CTNNA3: variants seen among roughly 807,000 people sequenced by gnomAD.
The protein encoded by CTNNA3 is catenin alpha-3.
A neutral mutation model predicts 95.7 loss-of-function variants in CTNNA3; 76 were observed. That is an observed-to-expected ratio of 0.79 (90% CI 0.66 to 0.96). The LOEUF (loss-of-function observed/expected upper bound fraction) is 0.96, where lower values mean the gene tolerates loss of function less well. Ranked by LOEUF, CTNNA3 falls within the 40% of genes least tolerant of loss-of-function variation. CTNNA3 has a pLI of 0.00. For missense variants in CTNNA3, 1,191 were observed against 1,089.8 expected, an observed-to-expected ratio of 1.09 and a Z score of -1.31; for synonymous variants, 431 against 374.4, an observed-to-expected ratio of 1.15 and a Z score of -1.74.
chr10:67,276,754 G>C (rs1034132276), intron 5 of CTNNA3, among the ~76,000 whole-genome samples: 1 of 152,088 alleles, frequency 6.6e-6, no homozygotes, highest in Non-Finnish European at 1.5e-5. Flanking sequence ...ATCGTGAATT[G>C]ATAATTACTG....
chr10:66,720,688 G>T (rs2132634867), intron 9 of CTNNA3, among the ~76,000 whole-genome samples: 1 of 152,172 alleles, frequency 6.6e-6, no homozygotes, highest in Middle Eastern at 3.4e-3. Flanking sequence ...CAAAAAAATA[G>T]CTGGGCGTGA....
rs191760230 is a variant in CTNNA3 at position 66,206,449 on chromosome 10, A to T, written c.1884+74021T>A. On this transcript the variant is annotated intron_variant, in intron 13 of 17. Coordinates refer to ENST00000433211, the MANE Select transcript of CTNNA3 (RefSeq NM_013266.4). ...CACTCATGAAATAAATTTTCCAGTG[A>T]TAATATCACCCATAGATTCATACAC... 5.3e-3 allele frequency among the ~76,000 whole-genome samples: 805 copies of T among 151,952 alleles called. 7 individuals carry two copies. The highest frequency in any genetic ancestry group is 0.018 in the African/African-American group (750 of 41,498).
chr10:67,444,089 TAC>T (rs1420037109), intron 5 of CTNNA3, among the ~76,000 whole-genome samples: 1 of 152,164 alleles, frequency 6.6e-6, no homozygotes, highest in African/African-American at 2.4e-5. Flanking sequence ...GGCTGCAGAA[TAC>T]ACATTCTTTT....
chr10:67,167,385 G>A (rs1182291666), intron 7 of CTNNA3, among the ~76,000 whole-genome samples: 1 of 152,140 alleles, frequency 6.6e-6, no homozygotes, highest in East Asian at 1.9e-4. Flanking sequence ...GCTTCATACA[G>A]CCTAGAAATT....
chr10:66,136,614 C>T (rs2083365534), intron 13 of CTNNA3, among the ~76,000 whole-genome samples: 1 of 152,026 alleles, frequency 6.6e-6, no homozygotes, highest in Admixed American at 6.5e-5. Flanking sequence ...AAACCATGTT[C>T]TGATGTGTAG....
intron 3 of CTNNA3, among the ~76,000 whole-genome samples, chr10:67,588,584 G>A (rs1458460677): frequency 6.6e-6 from 1 of 152,086 alleles, no homozygotes; most frequent in Non-Finnish European, 1.5e-5. Context: ...AGTGGTAGTA[G>A]TGGTGGGCTA....
chr10:66,490,117 A>C (rs928726293), intron 11 of CTNNA3, among the ~76,000 whole-genome samples: 1 of 152,158 alleles, frequency 6.6e-6, no homozygotes, highest in Admixed American at 6.5e-5. Context: ...ATTCTAGACT[A>C]ACTTTGGTGC....
intron 11 of CTNNA3, among the ~76,000 whole-genome samples, chr10:66,461,802 T>C (rs978522386): frequency 4.3e-4 from 63 of 145,254 alleles, no homozygotes; most frequent in African/African-American, 1.6e-3. Context: ...GTAATATCCT[T>C]GTATATCTCC....
At chr10:67,591,605 T>C (rs1426938255) in intron 3 of CTNNA3, among the ~76,000 whole-genome samples, 1 of 151,982 alleles carries the variant, frequency 6.6e-6, no homozygotes, top group Non-Finnish European at 1.5e-5. Context: ...TTATTAACCA[T>C]AATATGTTAA....
intron 5 of CTNNA3, among the ~76,000 whole-genome samples, chr10:67,428,268 C>A (rs1477656045): frequency 6.6e-6 from 1 of 151,824 alleles, no homozygotes; most frequent in Admixed American, 6.6e-5. Flanking sequence ...CCATAGTTTA[C>A]CTTTATAATT....
intron 7 of CTNNA3, among the ~76,000 whole-genome samples, chr10:67,167,510 A>G (rs983159682): frequency 1.3e-5 from 2 of 152,250 alleles, no homozygotes; most frequent in Non-Finnish European, 2.9e-5. Flanking sequence ...TGCCATATTT[A>G]GTTGGTCAAC....
At chr10:65,924,319 T>C (rs2077133517) in intron 17 of CTNNA3, among the ~76,000 whole-genome samples, 1 of 152,142 alleles carries the variant, frequency 6.6e-6, no homozygotes, top group African/African-American at 2.4e-5. Context: ...CATAGCGGGC[T>C]GTATAATAAT....
intron 13 of CTNNA3, among the ~76,000 whole-genome samples, chr10:66,231,031 C>T (rs1445081143): frequency 6.6e-6 from 1 of 152,060 alleles, no homozygotes; most frequent in Non-Finnish European, 1.5e-5. Context: ...AAAAATGGGG[C>T]CATGCTGTGG....
intron 12 of CTNNA3, among the ~76,000 whole-genome samples, chr10:66,344,360 G>A (rs544877708): frequency 6.6e-6 from 1 of 151,060 alleles, no homozygotes; most frequent in African/African-American, 2.4e-5. Context: ...TCCGTCTCCC[G>A]GGTTCAAACG....
intron 9 of CTNNA3, among the ~76,000 whole-genome samples, chr10:66,732,083 T>A (rs1848980421): frequency 6.6e-6 from 1 of 152,266 alleles, no homozygotes; most frequent in Admixed American, 6.5e-5. Context: ...GATTTAACTT[T>A]AGGGGAAATA....
intron 10 of CTNNA3, among the ~76,000 whole-genome samples, chr10:66,594,492 T>C (rs1382409572): frequency 6.6e-6 from 1 of 152,122 alleles, no homozygotes; most frequent in African/African-American, 2.4e-5. Context: ...CCTTGCCCTA[T>C]CTTCCCTATT....
intron 7 of CTNNA3, among the ~76,000 whole-genome samples, chr10:66,953,870 C>A (rs1848662638): frequency 6.6e-6 from 1 of 152,036 alleles, no homozygotes; most frequent in African/African-American, 2.4e-5. Context: ...AGCTATGTGA[C>A]CTTGGAAAAA....
intron 13 of CTNNA3, among the ~76,000 whole-genome samples, chr10:66,252,923 T>C (rs2090616703): frequency 6.6e-6 from 1 of 152,170 alleles, no homozygotes; most frequent in Non-Finnish European, 1.5e-5. Flanking sequence ...GATAGAGAGG[T>C]ATGCATTTTC....
intron 2 of CTNNA3, among the ~76,000 whole-genome samples, chr10:67,630,979 C>G (rs1273479832): frequency 6.6e-6 from 1 of 152,166 alleles, no homozygotes; most frequent in Non-Finnish European, 1.5e-5. Flanking sequence ...ATGACTGTAG[C>G]ATGATCTAGC....
Sources: gnomAD v4.1 joint callset for allele counts (sites outside exome capture counted in the v4.1 genomes callset) on GRCh38, gnomAD v4.1.1 for gene constraint, MANE v1.5 for transcripts, NCBI Gene and HGNC (gene_info 2026-07-23, HGNC 2026-07-21) for gene names.